Variants in SDK1 observed in about 807,000 individuals in gnomAD.
The protein encoded by SDK1 is sidekick cell adhesion molecule 1, also known as protein sidekick-1.
Under a neutral mutation model 245.5 loss-of-function variants are expected in SDK1, and 157 were observed. The observed-to-expected ratio is 0.64, with a 90% CI of 0.56 to 0.73. The LOEUF is 0.73. Among genes scored for constraint, SDK1 ranks in the 30% least tolerant of loss-of-function variants. The pLI is 0.00. For synonymous variants in SDK1, 1,647 were observed against 1,278.5 expected, an observed-to-expected ratio of 1.29 and a Z score of -6.15; for missense variants, 3,583 against 3,002.3, an observed-to-expected ratio of 1.19 and a Z score of -4.52.
rs535260479 is a variant in SDK1 at position 3,510,386 on chromosome 7, T to G, written c.299-108694T>G. On this transcript the variant is annotated intron_variant, in intron 1 of 44. Coordinates refer to ENST00000404826, the MANE Select transcript of SDK1 (RefSeq NM_152744.4). ...ATGTGGCTGCTCCAAGTTTTTTAGT[T>G]ATGTTCCATGTAGTTGTGAGTCACT... Among the ~76,000 whole-genome samples, 3 of 152,320 alleles carry G rather than the reference T, an allele frequency of 2.0e-5. No homozygotes were observed. In the South Asian group the frequency reaches 6.2e-4, roughly 32 times the overall value.
chr7:3,554,874 A>T (rs1213650168), intron 1 of SDK1, among the ~76,000 whole-genome samples: 4 of 152,224 alleles, frequency 2.6e-5, no homozygotes, highest in Non-Finnish European at 5.9e-5. Context: ...TAAGTTAACC[A>T]GAGAAGTGAA....
rs138676879 is a variant in SDK1, at chr7:3,443,766, C to T, written c.298+141882C>T. 2.9e-4 allele frequency among the ~76,000 whole-genome samples: 44 copies of T among 152,216 alleles called. 1 individual carries two copies. In the East Asian group the frequency reaches 7.1e-3, roughly 25 times the overall value. On this transcript the variant is annotated intron_variant, in intron 1 of 44. Coordinates refer to ENST00000404826, the MANE Select transcript of SDK1 (RefSeq NM_152744.4). Reference sequence around the variant, plus strand: ...TCTGTTTTTATTTGGTGGTCAGCAGCGTAATGGCTTTTATTTTTAGATTCT... The same window carrying T: ...TCTGTTTTTATTTGGTGGTCAGCAGTGTAATGGCTTTTATTTTTAGATTCT...
At chr7:3,344,143 G>GA (rs1362098531) in intron 1 of SDK1, among the ~76,000 whole-genome samples, 6 of 152,030 alleles carry the variant, frequency 3.9e-5, no homozygotes, top group Admixed American at 2.6e-4. Flanking sequence ...GTGTGCAGGG[G>GA]AAAAAATCTA....
intron 5 of SDK1, among the ~76,000 whole-genome samples, chr7:3,894,179 GAACATTTTAA>G (rs908898631): frequency 1.3e-5 from 2 of 152,208 alleles, no homozygotes; most frequent in South Asian, 4.2e-4. Context: ...ATAATCTTCA[GAACATTTTAA>G]TGTACTACCG....
intron 4 of SDK1, among the ~76,000 whole-genome samples, chr7:3,764,322 C>A (rs746407592): frequency 1.3e-5 from 2 of 152,062 alleles, no homozygotes; most frequent in Non-Finnish European, 2.9e-5. Context: ...GGACAAAATA[C>A]CCCCCTTTTT....
At chr7:3,697,513 A>C (rs959357667) in intron 4 of SDK1, among the ~76,000 whole-genome samples, 6 of 152,182 alleles carry the variant, frequency 3.9e-5, no homozygotes, top group Non-Finnish European at 8.8e-5. Flanking sequence ...TGCTAAGACA[A>C]TGTGATTTGA....
intron 1 of SDK1, among the ~76,000 whole-genome samples, chr7:3,354,461 A>G (rs562378301): frequency 1.3e-5 from 2 of 152,216 alleles, no homozygotes; most frequent in Non-Finnish European, 2.9e-5. Context: ...TCCAATGATT[A>G]TTCGAGAGTT....
At chr7:3,660,482 GAGAA>G (rs1365054546) in intron 4 of SDK1, among the ~76,000 whole-genome samples, 4 of 152,106 alleles carry the variant, frequency 2.6e-5, no homozygotes, top group Non-Finnish European at 4.4e-5. Context: ...TGGAGAGAGA[GAGAA>G]AGAGAGAGAG....
At chr7:3,525,181 G>A (rs780607051) in intron 1 of SDK1, among the ~76,000 whole-genome samples, 1 of 152,004 alleles carries the variant, frequency 6.6e-6, no homozygotes, top group Non-Finnish European at 1.5e-5. Flanking sequence ...GAGCATCTGA[G>A]GTTTTGGGTA....
chr7:3,789,679 A>G (rs1285311764), intron 4 of SDK1, among the ~76,000 whole-genome samples: 1 of 152,200 alleles, frequency 6.6e-6, no homozygotes, highest in Non-Finnish European at 1.5e-5. Context: ...CTTCCTCCTG[A>G]AACCCCATGA....
chr7:3,399,158 ATTC>A (rs1778814809), intron 1 of SDK1, among the ~76,000 whole-genome samples: 1 of 151,210 alleles, frequency 6.6e-6, no homozygotes, highest in Non-Finnish European at 1.5e-5. Context: ...TTCATAATTT[ATTC>A]TTTTCCTCAG....
chr7:3,974,304 A>C lies in SDK1; in HGVS notation c.1818-65A>C, dbSNP rs1324819119. 8 of 1,418,894 alleles carry C rather than the reference A, an allele frequency of 5.6e-6. No homozygotes were observed. The Admixed American group carries it at 9.5e-5, about 17-fold the overall frequency. 87.9% of individuals were successfully genotyped at this position (1,418,894 alleles called of 1,614,324 possible). A position where few individuals can be genotyped will look rare whatever the true frequency, so the allele number is the denominator to read the frequency against. ...GTTAGTTGCTTGCTTTTTAAGAGAC[A>C]GGGAAGGAGCAGTGATTCTGTCACT... On this transcript the variant is annotated intron_variant, in intron 12 of 44. Transcript: ENST00000404826.
At chr7:4,227,458 C>T (rs539475464) in intron 40 of SDK1, 1 of 470,518 alleles carries the variant, frequency 2.1e-6, no homozygotes, top group South Asian at 1.6e-5. Flanking sequence ...ATGTATTTAG[C>T]CTCATGTTTA....
chr7:3,735,986 C>T (rs1363458551), intron 4 of SDK1, among the ~76,000 whole-genome samples: 2 of 152,122 alleles, frequency 1.3e-5, no homozygotes, highest in Admixed American at 6.5e-5. Context: ...TGTAAACCTT[C>T]TTTGGAGAAA....
intron 35 of SDK1, among the ~76,000 whole-genome samples, chr7:4,194,452 GTA>G (rs56995793): frequency 3.0e-5 from 3 of 100,056 alleles, no homozygotes; most frequent in African/African-American, 8.7e-5. Context: ...ATGTATACAT[GTA>G]TATATGTGTG....
chr7:3,476,129 A>T (rs983001476), intron 1 of SDK1: 1 of 152,646 alleles, frequency 6.6e-6, no homozygotes, highest in African/African-American at 2.4e-5. Context: ...AATTTTCTTT[A>T]TATTCCGTTT....
chr7:3,690,745 T>C (rs1480710858), intron 4 of SDK1, among the ~76,000 whole-genome samples: 1 of 152,216 alleles, frequency 6.6e-6, no homozygotes, highest in Admixed American at 6.5e-5. Flanking sequence ...TCAAGTTGAT[T>C]ATAACTCTCT....
Position 4,113,420 on chromosome 7 carries a change from G to A in SDK1, c.3566G>A (p.Ser1189Asn). ...SVTVRTASET[S>N]LRLRWVPLPD... ...ACGGTCCGTACTGCCAGTGAGACCA[G>A]CCTGCGGCTTCGCTGGGTGGTGAGT... The change falls in exon 24 of 45, where the codon AGC (serine) becomes AAC (asparagine). Residue 1189 changes from serine to asparagine, a missense_variant. Transcript: ENST00000404826. The A allele has an allele frequency of 6.2e-7, 1 of 1,613,890 alleles. No homozygotes were observed. The highest frequency in any genetic ancestry group is 1.3e-5 in the African/African-American group (1 of 75,066).
intron 1 of SDK1, among the ~76,000 whole-genome samples, chr7:3,609,505 A>G (rs1171494428): frequency 6.6e-6 from 1 of 152,028 alleles, no homozygotes; most frequent in Non-Finnish European, 1.5e-5. Context: ...GTTTCAAACG[A>G]TTCTCCTGCC....
Sources: gnomAD v4.1 joint callset for allele counts (sites outside exome capture counted in the v4.1 genomes callset) on GRCh38, gnomAD v4.1.1 for gene constraint, MANE v1.5 for transcripts, NCBI Gene and HGNC (gene_info 2026-07-23, HGNC 2026-07-21) for gene names.